Variants in MFHAS1 observed in about 807,000 individuals in gnomAD.
The protein encoded by MFHAS1 is multifunctional ROCO family signaling regulator 1.
MFHAS1 carries 50 observed loss-of-function variants against 70.4 expected under a neutral mutation model. The observed-to-expected ratio is 0.71, with a 90% confidence interval of 0.57 to 0.90. The LOEUF is 0.90. Among genes scored for constraint, MFHAS1 ranks in the 40% least tolerant of loss-of-function variants. The probability of loss-of-function intolerance (pLI) is 0.00; values close to 1 mark genes in which losing one functional copy is unlikely to be tolerated. For missense variants in MFHAS1, 1,795 were observed against 1,347.6 expected (o/e 1.33, Z -5.20); for synonymous variants, 952 against 620.0 (o/e 1.54, Z -7.96).
chr8:8,880,200 T>C (rs1585069386), intron 1 of MFHAS1, among the ~76,000 whole-genome samples: 1 of 152,080 alleles, frequency 6.6e-6, no homozygotes, highest in Admixed American at 6.6e-5. Flanking sequence ...CCAAAACCCC[T>C]ACTCTTAAGT....
chr8:8,887,780 T>C (rs1809823744), intron 1 of MFHAS1, among the ~76,000 whole-genome samples: 1 of 150,482 alleles, frequency 6.6e-6, no homozygotes, highest in Non-Finnish European at 1.5e-5. Flanking sequence ...GGCTTGTTTC[T>C]GCATCTCAGT....
At chr8:8,832,050 G>GCACACA (rs777027390) in intron 1 of MFHAS1, among the ~76,000 whole-genome samples, 4 of 31,286 alleles carry the variant, frequency 1.3e-4, no homozygotes, top group African/African-American at 2.4e-4. Context: ...GCACATGCAC[G>GCACACA]CGCGCGCGCG....
chr8:8,859,450 A>C (rs532222432), intron 1 of MFHAS1, among the ~76,000 whole-genome samples: 27 of 152,326 alleles, frequency 1.8e-4, no homozygotes, highest in Middle Eastern at 3.4e-3. Context: ...GCTTAATAAA[A>C]TACAGTTGAT....
At chr8:8,867,773 T>G (rs544098994) in intron 1 of MFHAS1, among the ~76,000 whole-genome samples, 7 of 152,164 alleles carry the variant, frequency 4.6e-5, no homozygotes, top group Admixed American at 1.3e-4. Flanking sequence ...TAGGCAGGAT[T>G]GTCTCGATCT....
chr8:8,795,527 C>G (rs1184592736), intron 2 of MFHAS1, among the ~76,000 whole-genome samples: 1 of 152,210 alleles, frequency 6.6e-6, no homozygotes, highest in African/African-American at 2.4e-5. Flanking sequence ...ACTCTGAATA[C>G]AAGAGCATTA....
intron 1 of MFHAS1, among the ~76,000 whole-genome samples, chr8:8,838,877 T>G (rs140597586): frequency 6.6e-6 from 1 of 152,242 alleles, no homozygotes; most frequent in East Asian, 1.9e-4. Context: ...CCAGTTATTT[T>G]CATATTTTAA....
chr8:8,828,463 G>A (rs1284131509), intron 1 of MFHAS1, among the ~76,000 whole-genome samples: 1 of 152,058 alleles, frequency 6.6e-6, no homozygotes, highest in Admixed American at 6.6e-5. Flanking sequence ...CTTCAAAGAC[G>A]CAGGGCCATA....
chr8:8,844,014 C>A (rs532959791), intron 1 of MFHAS1, among the ~76,000 whole-genome samples: 1 of 152,230 alleles, frequency 6.6e-6, no homozygotes, highest in African/African-American at 2.4e-5. Context: ...ACTCTACCTA[C>A]ATGGGTGTCA....
intron 1 of MFHAS1, among the ~76,000 whole-genome samples, chr8:8,818,731 G>T (rs146941266): frequency 2.8e-4 from 42 of 152,262 alleles, no homozygotes; most frequent in African/African-American, 9.6e-4. Flanking sequence ...CAAAGTTTGG[G>T]CAAAAATATC....
At chr8:8,786,615 C>T (rs577262908) in intron 2 of MFHAS1, among the ~76,000 whole-genome samples, 4 of 151,828 alleles carry the variant, frequency 2.6e-5, no homozygotes, top group South Asian at 2.1e-4. Flanking sequence ...GATTCAGTTC[C>T]GATAAAATGG....
chr8:8,804,975 A>G (rs1806238577), intron 1 of MFHAS1, among the ~76,000 whole-genome samples: 1 of 152,188 alleles, frequency 6.6e-6, no homozygotes, highest in African/African-American at 2.4e-5. Flanking sequence ...GGTTTGAAAG[A>G]TAGGAGGGAG....
intron 1 of MFHAS1, among the ~76,000 whole-genome samples, chr8:8,835,305 A>G (rs541379283): frequency 1.1e-4 from 16 of 152,340 alleles, no homozygotes; most frequent in African/African-American, 3.8e-4. Flanking sequence ...AATAAAGTTT[A>G]TTTAGAAATT....
intron 1 of MFHAS1, among the ~76,000 whole-genome samples, chr8:8,845,634 T>G (rs1285667751): frequency 2.0e-5 from 3 of 152,234 alleles, no homozygotes; most frequent in African/African-American, 7.2e-5. Context: ...TTTCCTTTTT[T>G]TGACTTAATA....
rs754487799 is a variant in MFHAS1 at position 8,891,168 on chromosome 8, C to A, written c.1891G>T (p.Asp631Tyr). 9 of 1,613,436 alleles carry A rather than the reference C, an allele frequency of 5.6e-6. No individual in the cohort carries two copies. In the East Asian group the frequency reaches 2.0e-4, roughly 36 times the overall value. ...LSPVLPVSCR[D>Y]PRHLRRLRDK... ...CGAAGGCGTCGTAAGTGGCGCGGGT[C>A]CCTGCAGCTAACAGGCAACACGGGG... Residue 631 changes from aspartate to tyrosine, a missense_variant, in exon 1 of 3, where the codon GAC (aspartate) becomes TAC (tyrosine). Coordinates refer to ENST00000276282, the MANE Select transcript of MFHAS1 (RefSeq NM_004225.3). The surrounding 1 kb of genome is among the most constrained non-coding windows in gnomAD (Gnocchi z 5.4).
chr8:8,819,116 GAATC>G (rs5889248), intron 1 of MFHAS1, among the ~76,000 whole-genome samples: 65,855 of 151,536 alleles, frequency 0.43, 15,792 homozygotes, highest in East Asian at 0.75. Flanking sequence ...CAGTAAAAAA[GAATC>G]AAACAGCTCT....
rs548625074 is a variant in MFHAS1, at chr8:8,870,741, T to A, written c.2998+19320A>T. Among the ~76,000 whole-genome samples the A allele has an allele frequency of 4.6e-5, 7 of 152,226 alleles. No homozygotes were observed. The East Asian group carries it at 1.4e-3, about 30-fold the overall frequency. ...GGAATTTATTACACAGCCCTGCAAATCTCTGCTTACTGTCCACACTGCTTC... is the reference window on the plus strand; with the variant it reads ...GGAATTTATTACACAGCCCTGCAAAACTCTGCTTACTGTCCACACTGCTTC... On this transcript the variant is annotated intron_variant, in intron 1 of 2. Coordinates refer to ENST00000276282, the MANE Select transcript of MFHAS1 (RefSeq NM_004225.3).
chr8:8,787,672 G>C (rs1805597409), intron 2 of MFHAS1, among the ~76,000 whole-genome samples: 1 of 152,244 alleles, frequency 6.6e-6, no homozygotes, highest in Non-Finnish European at 1.5e-5. Flanking sequence ...GAGGACGCCA[G>C]TGTAAAAACA....
chr8:8,827,412 T>C (rs1337947404), intron 1 of MFHAS1, among the ~76,000 whole-genome samples: 1 of 152,214 alleles, frequency 6.6e-6, no homozygotes, highest in African/African-American at 2.4e-5. Flanking sequence ...TTCTCATCCT[T>C]TCACCAGCAA....
intron 1 of MFHAS1, among the ~76,000 whole-genome samples, chr8:8,885,319 A>C (rs1809712433): frequency 6.6e-6 from 1 of 152,206 alleles, no homozygotes; most frequent in East Asian, 1.9e-4. Flanking sequence ...AATGACCTTA[A>C]ATAATTTGGA....
Sources: gnomAD v4.1 joint callset for allele counts (sites outside exome capture counted in the v4.1 genomes callset) on GRCh38, gnomAD v4.1.1 for gene constraint, Gnocchi (gnomAD v3.1) non-coding constraint, MANE v1.5 for transcripts, NCBI Gene and HGNC (gene_info 2026-07-23, HGNC 2026-07-21) for gene names.